Variants in PI15 observed in about 807,000 individuals in gnomAD.
The protein encoded by PI15 is 25 kDa trypsin inhibitor.
PI15 carries 18 observed loss-of-function variants against 31.0 expected under a neutral mutation model. The observed-to-expected ratio is 0.58, with a 90% CI of 0.40 to 0.86. PI15 has a LOEUF of 0.86. Ranked by LOEUF, PI15 falls within the 40% of genes least tolerant of loss-of-function variation. PI15 has a pLI of 0.00. For synonymous variants in PI15, 118 were observed against 119.1 expected, an observed-to-expected ratio of 0.99 and a Z score of 0.06; for missense variants, 282 against 328.1, an observed-to-expected ratio of 0.86 and a Z score of 1.09.
In PI15 at chr8:74,825,290, C is replaced by T; in HGVS notation, c.41C>T (p.Ser14Phe). 6.2e-7 allele frequency: 1 copy of T among 1,613,484 alleles called. No homozygotes were observed. The highest frequency in any genetic ancestry group is 1.1e-5 in the South Asian group (1 of 91,066). The change falls in exon 2 of 6, where the codon TCC (serine) becomes TTC (phenylalanine). Residue 14 changes from serine to phenylalanine, a missense_variant. Transcript: ENST00000260113. ...GCCGTCAGCAGTGCACTCCTGTTCTCCCTTCTCTGTGAAGCAAGTACCGTC... is the reference window on the plus strand; with the variant it reads ...GCCGTCAGCAGTGCACTCCTGTTCTTCCTTCTCTGTGAAGCAAGTACCGTC... ...ISAVSSALLFSLLCEASTVVL... is the reference protein window; with the variant it reads ...ISAVSSALLFFLLCEASTVVL...
At chr8:74,846,377 A>G (rs1022495268) in intron 5 of PI15, among the ~76,000 whole-genome samples, 1 of 152,240 alleles carries the variant, frequency 6.6e-6, no homozygotes, top group Non-Finnish European at 1.5e-5. Context: ...TTTGGAAAGT[A>G]GACTGTGTCT....
intron 2 of PI15, among the ~76,000 whole-genome samples, chr8:74,836,348 G>A (rs552106525): frequency 6.6e-6 from 1 of 152,078 alleles, no homozygotes; most frequent in Non-Finnish European, 1.5e-5. Context: ...GAAGACTGAA[G>A]GAGTAGTTGA....
intron 2 of PI15, among the ~76,000 whole-genome samples, chr8:74,841,560 T>G (rs1488820274): frequency 6.6e-6 from 1 of 152,226 alleles, no homozygotes; most frequent in Non-Finnish European, 1.5e-5. Context: ...TTTTAGCAGT[T>G]ACAGATCTGA....
chr8:74,843,672 T>C (rs1202261372), intron 2 of PI15, among the ~76,000 whole-genome samples: 2 of 152,128 alleles, frequency 1.3e-5, no homozygotes, highest in East Asian at 3.9e-4. Context: ...GTGACCGGCC[T>C]GGCCAACATG....
chr8:74,852,381 A>G lies in PI15; in HGVS notation c.*3128A>G, dbSNP rs540285661. 3.9e-5 allele frequency: 6 copies of G among 152,242 alleles called. No individual in the cohort carries two copies. Among genetic ancestry groups the G allele is most frequent in the African/African-American group, 1.4e-4 (6 of 41,580 alleles). 9.4% of individuals were successfully genotyped at this position (152,242 alleles called of 1,614,324 possible). A position where few individuals can be genotyped will look rare whatever the true frequency, so the allele number is the denominator to read the frequency against. ...AATTATCTGTGAGTTGTGTAGACAC[A>G]GTCTTAATGTTTCTGGTTATGACAG... On this transcript the variant is annotated 3_prime_UTR_variant, in exon 6 of 6. Transcript: ENST00000260113.
intron 2 of PI15, among the ~76,000 whole-genome samples, chr8:74,843,441 TA>T (rs1810973047): frequency 6.6e-6 from 1 of 152,216 alleles, no homozygotes; most frequent in African/African-American, 2.4e-5. Flanking sequence ...AAAAGAATTT[TA>T]GGAGGTCTGG....
intron 3 of PI15, 30 bp from the exon 4 acceptor site, chr8:74,845,098 C>G (rs1563569534): frequency 6.3e-7 from 1 of 1,596,642 alleles, no homozygotes; most frequent in Non-Finnish European, 8.6e-7. Flanking sequence ...CACTGCTGCA[C>G]TCTGATTTCT....
chr8:74,847,267 A>G (rs1009914926), intron 5 of PI15, among the ~76,000 whole-genome samples: 23 of 151,868 alleles, frequency 1.5e-4, no homozygotes, highest in African/African-American at 5.6e-4. Flanking sequence ...CCAACATGGC[A>G]AAACCCTGTC....
intron 3 of PI15, chr8:74,844,885 A>G (rs1293780215): frequency 4.5e-6 from 2 of 439,772 alleles, no homozygotes. Flanking sequence ...TCTTCGTGGA[A>G]TGACCAGACA....
chr8:74,837,167 C>T (rs962497908), intron 2 of PI15, among the ~76,000 whole-genome samples: 1 of 152,024 alleles, frequency 6.6e-6, no homozygotes, highest in African/African-American at 2.4e-5. Context: ...CTTTGGATCT[C>T]ACCTTTATAT....
rs749511723 is a variant in PI15, at chr8:74,849,285, T to C, written c.*32T>C. 7 of 1,581,386 alleles carry C rather than the reference T, an allele frequency of 4.4e-6. No homozygotes were observed. The South Asian group carries it at 7.9e-5, about 18-fold the overall frequency. On this transcript the variant is annotated 3_prime_UTR_variant, in exon 6 of 6. Coordinates refer to ENST00000260113, the MANE Select transcript of PI15 (RefSeq NM_015886.5). Reference sequence around the variant, plus strand: ...CTTTTCCTCCAGGAAATATAATGATTTCTGGGAACATGGGCATGTATATAT... The same window carrying C: ...CTTTTCCTCCAGGAAATATAATGATCTCTGGGAACATGGGCATGTATATAT...
intron 3 of PI15, chr8:74,844,703 T>C (rs556986718): frequency 1.7e-5 from 3 of 180,166 alleles, no homozygotes; most frequent in Non-Finnish European, 3.5e-5. Context: ...AAATCAACTG[T>C]GCTATTATTA....
chr8:74,847,509 A>T (rs2128766338), intron 5 of PI15, among the ~76,000 whole-genome samples: 1 of 152,058 alleles, frequency 6.6e-6, no homozygotes, highest in Admixed American at 6.6e-5. Flanking sequence ...AGGATAAGAG[A>T]GCGAGCCACA....
chr8:74,836,045 A>G (rs927412149), intron 2 of PI15, among the ~76,000 whole-genome samples: 1 of 152,202 alleles, frequency 6.6e-6, no homozygotes, highest in Non-Finnish European at 1.5e-5. Flanking sequence ...GGTAAGGTCA[A>G]TGAGATTTGC....
At position 74,850,295 on chromosome 8, in the gene PI15, GA is replaced by G. The variant is rs1811087570; in HGVS notation, c.*1045del. The G allele has an allele frequency of 6.6e-6, 1 of 152,180 alleles. No individual in the cohort carries two copies. The highest frequency in any genetic ancestry group is 2.4e-5 in the African/African-American group (1 of 41,430). 9.4% of individuals were successfully genotyped at this position (152,180 alleles called of 1,614,324 possible). A position where few individuals can be genotyped will look rare whatever the true frequency, so the allele number is the denominator to read the frequency against. On this transcript the variant is annotated 3_prime_UTR_variant, in exon 6 of 6. Transcript: ENST00000260113. ...TGTACAGCTGTGACTTTGGAAAACA[GA>G]AAGTAAGACCCTCAGAAAACCAATG...
At chr8:74,825,732 CA>C (rs1810689811) in intron 2 of PI15, among the ~76,000 whole-genome samples, 1 of 151,876 alleles carries the variant, frequency 6.6e-6, no homozygotes, top group Admixed American at 6.6e-5. Flanking sequence ...GAGACAGAGA[CA>C]GACAGATAGA....
chr8:74,848,730 T>C lies in PI15; in HGVS notation c.642-388T>C, dbSNP rs34194502. ...ATATATATAAATATATATATATATA[T>C]ATAGAGAGAGAGAGAGAGAGAGAGA... is the stretch of plus-strand genomic sequence containing the variant. On this transcript the variant is annotated intron_variant, in intron 5 of 5. Coordinates refer to ENST00000260113, the MANE Select transcript of PI15 (RefSeq NM_015886.5). Among the ~76,000 whole-genome samples the C allele has an allele frequency of 4.0e-3, 564 of 140,404 alleles. 1 individual carries two copies. The highest frequency in any genetic ancestry group is 6.4e-3 in the Admixed American group (89 of 13,990). 92.1% of individuals were successfully genotyped at this position (140,404 alleles called of 152,430 possible). A position where few individuals can be genotyped will look rare whatever the true frequency, so the allele number is the denominator to read the frequency against.
intron 2 of PI15, among the ~76,000 whole-genome samples, chr8:74,839,318 C>G (rs1179243215): frequency 6.6e-6 from 1 of 152,068 alleles, no homozygotes; most frequent in East Asian, 1.9e-4. Flanking sequence ...CTAAATCAAC[C>G]AATTTATGAG....
chr8:74,837,129 T>A (rs1462481058), intron 2 of PI15, among the ~76,000 whole-genome samples: 1 of 152,166 alleles, frequency 6.6e-6, no homozygotes, highest in Non-Finnish European at 1.5e-5. Context: ...AAGGAAAGCA[T>A]TATCTTTCTT....
Sources: gnomAD v4.1 joint callset for allele counts (sites outside exome capture counted in the v4.1 genomes callset) on GRCh38, gnomAD v4.1.1 for gene constraint, MANE v1.5 for transcripts, NCBI Gene and HGNC (gene_info 2026-07-23, HGNC 2026-07-21) for gene names.